Variants in GGACT observed in about 807,000 individuals in gnomAD.
GGACT encodes gamma-glutamylamine cyclotransferase.
For synonymous variants in GGACT, 118 were observed against 115.3 expected (o/e 1.02, Z -0.15); for missense variants, 241 against 233.2 (o/e 1.03, Z -0.22).
chr13:100,588,417 T>C (rs1052730071), intron 1 of GGACT, among the ~76,000 whole-genome samples: 1 of 152,236 alleles, frequency 6.6e-6, no homozygotes, highest in African/African-American at 2.4e-5. Context: ...GCTGTCACGC[T>C]TCCTTTACAG....
intron 2 of GGACT, chr13:100,535,758 C>T (rs2088482788): frequency 6.6e-6 from 1 of 152,166 alleles, no homozygotes; most frequent in South Asian, 2.1e-4. Flanking sequence ...TCTTGGACAA[C>T]TTTATGTTTT....
At chr13:100,580,899 C>A (rs1875396308) in intron 2 of GGACT, among the ~76,000 whole-genome samples, 1 of 152,180 alleles carries the variant, frequency 6.6e-6, no homozygotes, top group African/African-American at 2.4e-5. Flanking sequence ...TTAAGTGGTT[C>A]CCATAGGGCG....
chr13:100,577,627 A>G (rs1465705880), intron 2 of GGACT, among the ~76,000 whole-genome samples: 4 of 152,178 alleles, frequency 2.6e-5, no homozygotes, highest in Non-Finnish European at 4.4e-5. Flanking sequence ...CAAGCAAACA[A>G]AAGTCCAAAA....
At chr13:100,570,544 G>C (rs1006229448) in intron 2 of GGACT, among the ~76,000 whole-genome samples, 1 of 152,120 alleles carries the variant, frequency 6.6e-6, no homozygotes. Context: ...GGGATTATGG[G>C]AACTACAATT....
intron 1 of GGACT, among the ~76,000 whole-genome samples, chr13:100,585,696 A>T (rs1384760521): frequency 6.6e-6 from 1 of 151,012 alleles, no homozygotes; most frequent in African/African-American, 2.4e-5. Context: ...TGAACCCAGG[A>T]GGCGGAGGTT....
chr13:100,554,933 A>G (rs537809025), intron 2 of GGACT, among the ~76,000 whole-genome samples: 1 of 152,344 alleles, frequency 6.6e-6, no homozygotes, highest in South Asian at 2.1e-4. Context: ...ACATTATACC[A>G]ATAAATTCTA....
rs1242017066 is a variant in GGACT at position 100,532,603 on chromosome 13, T to G, written c.-10-2A>C. 3.0e-5 allele frequency: 46 copies of G among 1,526,008 alleles called. No individual in the cohort carries two copies. Among genetic ancestry groups the G allele is most frequent in the Non-Finnish European group, 3.4e-5 (38 of 1,130,776 alleles). 94.5% of individuals were successfully genotyped at this position (1,526,008 alleles called of 1,614,324 possible). A position where few individuals can be genotyped will look rare whatever the true frequency, so the allele number is the denominator to read the frequency against. On this transcript the variant is annotated splice_acceptor_variant, in intron 2 of 2. Transcript: ENST00000683975. LOFTEE classifies it low-confidence loss of function (5UTR_SPLICE). The stretch of plus-strand genomic sequence containing the variant: ...AAGACTAGGGCCATCCGGGCAGAGC[T>G]GCAGGGAGAGGGGAAGTCACAGGTC...
intron 2 of GGACT, among the ~76,000 whole-genome samples, chr13:100,552,095 G>C (rs1290715401): frequency 1.1e-4 from 16 of 152,230 alleles, no homozygotes; most frequent in Admixed American, 9.8e-4. Flanking sequence ...GTCCAGGCCA[G>C]ATCTCTCAGG....
At chr13:100,541,696 G>C (rs555805482) in intron 2 of GGACT, 1 of 152,194 alleles carries the variant, frequency 6.6e-6, no homozygotes, top group Non-Finnish European at 1.5e-5. Context: ...GTGATATTAC[G>C]TAGAAATGAA....
At chr13:100,547,734 G>A (rs1217687573) in intron 2 of GGACT, among the ~76,000 whole-genome samples, 1 of 152,194 alleles carries the variant, frequency 6.6e-6, no homozygotes, top group Non-Finnish European at 1.5e-5. Flanking sequence ...GGACAAGAAC[G>A]AGACATCTCT....
chr13:100,583,319 C>T (rs1875471394), intron 2 of GGACT, among the ~76,000 whole-genome samples: 1 of 152,062 alleles, frequency 6.6e-6, no homozygotes, highest in African/African-American at 2.4e-5. Context: ...TTTTTAAGTA[C>T]ATAAAATTAA....
At chr13:100,551,464 GAC>G (rs911098835) in intron 2 of GGACT, among the ~76,000 whole-genome samples, 28 of 152,326 alleles carry the variant, frequency 1.8e-4, no homozygotes, top group African/African-American at 6.5e-4. Flanking sequence ...GGTATTAACA[GAC>G]TTCCCCTCGG....
intron 2 of GGACT, among the ~76,000 whole-genome samples, chr13:100,576,757 G>A (rs565451983): frequency 6.6e-6 from 1 of 152,294 alleles, no homozygotes; most frequent in African/African-American, 2.4e-5. Flanking sequence ...TTGAGGAAGG[G>A]GTGGGTTAGA....
At chr13:100,553,199 GC>G (rs2088681425) in intron 2 of GGACT, among the ~76,000 whole-genome samples, 1 of 152,032 alleles carries the variant, frequency 6.6e-6, no homozygotes, top group Non-Finnish European at 1.5e-5. Context: ...AAAATATTGT[GC>G]AGTGAATCCC....
At position 100,530,414 on chromosome 13, in the gene GGACT, T is replaced by C; in HGVS notation, c.*1716A>G. 1.7e-6 allele frequency: 1 copy of C among 583,780 alleles called. No homozygotes were observed. The highest frequency in any genetic ancestry group is 2.0e-5 in the South Asian group (1 of 50,018). 36.2% of individuals were successfully genotyped at this position (583,780 alleles called of 1,614,324 possible). A position where few individuals can be genotyped will look rare whatever the true frequency, so the allele number is the denominator to read the frequency against. On this transcript the variant is annotated 3_prime_UTR_variant, in exon 3 of 3. Transcript: ENST00000683975. Reference sequence around the variant, plus strand: ...TTCCCTAGTGTCAAAATTAAATCAATAAAACTGAGCATTTGTCTAAATATT... The same window carrying C: ...TTCCCTAGTGTCAAAATTAAATCAACAAAACTGAGCATTTGTCTAAATATT...
At chr13:100,584,946 C>A (rs1371831841) in intron 1 of GGACT, among the ~76,000 whole-genome samples, 1 of 152,096 alleles carries the variant, frequency 6.6e-6, no homozygotes, top group Non-Finnish European at 1.5e-5. Context: ...TTCTTTGATT[C>A]TTTGATGAGG....
chr13:100,551,146 T>C (rs1024490080), intron 2 of GGACT, among the ~76,000 whole-genome samples: 1 of 151,748 alleles, frequency 6.6e-6, no homozygotes, highest in Non-Finnish European at 1.5e-5. Context: ...TAGCCGGGTG[T>C]GGTGGCGGGC....
chr13:100,569,976 G>A (rs972070336), intron 2 of GGACT, among the ~76,000 whole-genome samples: 3 of 152,164 alleles, frequency 2.0e-5, no homozygotes, highest in Non-Finnish European at 4.4e-5. Context: ...GGACTTTATT[G>A]TCCATGCTGC....
intron 2 of GGACT, among the ~76,000 whole-genome samples, chr13:100,551,889 G>C (rs1046665260): frequency 3.3e-5 from 5 of 152,134 alleles, no homozygotes; most frequent in African/African-American, 1.2e-4. Flanking sequence ...TCTCTCAGAG[G>C]GGGCAAGACC....
Sources: gnomAD v4.1 joint callset for allele counts (sites outside exome capture counted in the v4.1 genomes callset) on GRCh38, gnomAD v4.1.1 for gene constraint, MANE v1.5 for transcripts, NCBI Gene and HGNC (gene_info 2026-07-23, HGNC 2026-07-21) for gene names.